The following CYP4Z1 variants were observed in gnomAD, a reference collection of about 807,000 sequenced individuals.
The protein encoded by CYP4Z1 is cytochrome P450 4Z1.
Under a neutral mutation model 54.2 loss-of-function variants are expected in CYP4Z1, and 41 were observed. The ratio of observed to expected loss-of-function variants is 0.76; its 90% CI spans 0.59 to 0.98. The LOEUF is 0.98. Ranked by LOEUF, CYP4Z1 falls within the 50% of genes least tolerant of loss-of-function variation. The pLI is 0.00. For synonymous variants in CYP4Z1, 163 were observed against 206.2 expected (o/e 0.79, Z 1.79); for missense variants, 513 against 599.0 (o/e 0.86, Z 1.50).
intron 11 of CYP4Z1, among the ~76,000 whole-genome samples, chr1:47,116,983 C>G (rs1644834892): frequency 6.6e-6 from 1 of 152,196 alleles, no homozygotes; most frequent in Non-Finnish European, 1.5e-5. Context: ...ATCCTCATGA[C>G]AGGCCCAAAG....
intron 2 of CYP4Z1, among the ~76,000 whole-genome samples, chr1:47,077,558 T>C (rs183605401): frequency 1.7e-3 from 256 of 152,274 alleles, no homozygotes; most frequent in African/African-American, 5.8e-3. Context: ...TCCATTTACA[T>C]TTAAAATAAT....
chr1:47,086,536 G>A (rs1225553000), intron 6 of CYP4Z1, among the ~76,000 whole-genome samples: 6 of 152,074 alleles, frequency 3.9e-5, no homozygotes, highest in Admixed American at 3.9e-4. Context: ...CTTTTTGATG[G>A]GGTTGTTTGT....
At chr1:47,099,645 C>CTTAG in intron 8 of CYP4Z1, among the ~76,000 whole-genome samples, 2 of 152,134 alleles carry the variant, frequency 1.3e-5, no homozygotes, top group African/African-American at 4.8e-5. Flanking sequence ...CTTTTACCAC[C>CTTAG]TTAGATTGCC....
At chr1:47,062,691 C>T (rs1054014593), upstream of CYP4Z1, among the ~76,000 whole-genome samples, 2 of 152,070 alleles carry the variant, frequency 1.3e-5, no homozygotes, top group African/African-American at 4.8e-5. Context: ...GCAGCAAGCC[C>T]CGCCCAAGGA....
At position 47,099,204 on chromosome 1, in the gene CYP4Z1, C is replaced by T; in HGVS notation, c.987C>T (p.Cys329=). The stretch of plus-strand genomic sequence containing the variant: ...GTGCTATCTCCTGGATCCTTTACTG[C>T]TTGGCAAAGTACCCTGAGCATCAGC... ...TSSAISWILY[C]LAKYPEHQQR... is the part of the protein sequence containing the mutation. The change falls in exon 8 of 12, where the codon TGC becomes TGT. Residue 329 remains cysteine (C), a synonymous_variant. Coordinates refer to ENST00000334194, the MANE Select transcript of CYP4Z1 (RefSeq NM_178134.3). 1 of 1,613,984 alleles carries T rather than the reference C, an allele frequency of 6.2e-7. No homozygotes were observed. Among genetic ancestry groups the T allele is most frequent in the Non-Finnish European group, 8.5e-7 (1 of 1,179,978 alleles).
chr1:47,112,028 C>G (rs1234432560), intron 9 of CYP4Z1, among the ~76,000 whole-genome samples: 1 of 152,156 alleles, frequency 6.6e-6, no homozygotes, highest in East Asian at 1.9e-4. Context: ...TTAAATTAAA[C>G]ATTGACGTCG....
At chr1:47,112,808 T>C (rs1239688681) in intron 9 of CYP4Z1, among the ~76,000 whole-genome samples, 2 of 152,140 alleles carry the variant, frequency 1.3e-5, no homozygotes, top group Non-Finnish European at 2.9e-5. Context: ...GAAAAGATTG[T>C]TCAATATTAG....
In CYP4Z1 at chr1:47,115,519, G is replaced by C. The variant is rs1490180116; in HGVS notation, c.1202-10G>C. 1 of 1,609,478 alleles carries C rather than the reference G, an allele frequency of 6.2e-7. No individual in the cohort carries two copies. Among genetic ancestry groups the C allele is most frequent in the Non-Finnish European group, 8.5e-7 (1 of 1,178,498 alleles). On this transcript the variant is annotated splice_polypyrimidine_tract_variant and intron_variant, in intron 9 of 11. Transcript: ENST00000334194. ...CATGCACTTACCTGCTTTTTCTTCTGTTTACTCAGGAATAACTGTGTTTAT... is the reference window on the plus strand; with the variant it reads ...CATGCACTTACCTGCTTTTTCTTCTCTTTACTCAGGAATAACTGTGTTTAT...
chr1:47,105,169 C>T (rs943218430), intron 8 of CYP4Z1, among the ~76,000 whole-genome samples: 7 of 139,194 alleles, frequency 5.0e-5, no homozygotes, highest in Admixed American at 1.4e-4. Flanking sequence ...GGGTCACTGG[C>T]AGTGGCTCCC....
intron 2 of CYP4Z1, among the ~76,000 whole-genome samples, chr1:47,069,042 TAC>T (rs1422555737): frequency 2.6e-5 from 4 of 152,258 alleles, no homozygotes; most frequent in Non-Finnish European, 5.9e-5. Context: ...CCCCCAGGAC[TAC>T]CACTTACCAT....
the CYP4Z1 span, among the ~76,000 whole-genome samples, chr1:47,057,327 G>GAAAAAAAAAAAAAAAAAAAAA: frequency 1.5e-3 from 27 of 18,014 alleles, 8 homozygotes; most frequent in East Asian, 8.5e-3. Flanking sequence ...TACTTCTTAA[G>GAAAAAAAAAAAAAAAAAAAAA]AAAAAAAAAT....
At position 47,089,543 on chromosome 1, in the gene CYP4Z1, A is replaced by C. The variant is rs567092170; in HGVS notation, c.772+4565A>C. Among the ~76,000 whole-genome samples the C allele has an allele frequency of 1.5e-3, 201 of 134,874 alleles. 2 individuals are homozygous for C. Among genetic ancestry groups the C allele is most frequent in the African/African-American group, 7.3e-3 (196 of 26,870 alleles). 88.5% of individuals were successfully genotyped at this position (134,874 alleles called of 152,430 possible). A position where few individuals can be genotyped will look rare whatever the true frequency, so the allele number is the denominator to read the frequency against. On this transcript the variant is annotated intron_variant, in intron 6 of 11. Coordinates refer to ENST00000334194, the MANE Select transcript of CYP4Z1 (RefSeq NM_178134.3). ...TGCACAGCGACACCTAATGGACGCA[A>C]ACCAATATTGCAATCCATTGGTGTA...
In CYP4Z1 at chr1:47,082,363, A is replaced by C. The variant is rs1644561126; in HGVS notation, c.394A>C (p.Lys132Gln). 1 of 1,612,116 alleles carries C rather than the reference A, an allele frequency of 6.2e-7. No homozygotes were observed. Among genetic ancestry groups the C allele is most frequent in the Non-Finnish European group, 8.5e-7 (1 of 1,179,278 alleles). The change falls in exon 4 of 12, where the codon AAA becomes CAA. Residue 132 changes from lysine to glutamine, a missense_variant. Transcript: ENST00000334194. The part of the protein sequence containing the change: ...GRGLVTLDGS[K>Q]WKKHRQIVKP... ...AGGACTTGTGACCCTGGATGGTTCT[A>C]AATGGAAAAAGCACCGCCAGATTGT...
the CYP4Z1 span, among the ~76,000 whole-genome samples, chr1:47,056,569 G>A: frequency 6.6e-6 from 1 of 152,152 alleles, no homozygotes. Context: ...CTCTTCGTAG[G>A]TCACTAAGGA....
At chr1:47,106,483 G>C (rs893640308) in intron 9 of CYP4Z1, among the ~76,000 whole-genome samples, 2 of 152,052 alleles carry the variant, frequency 1.3e-5, no homozygotes, top group Admixed American at 1.3e-4. Flanking sequence ...TATGGACTGA[G>C]GGTTGGGTGA....
At chr1:47,104,846 A>C (rs1197667309) in intron 8 of CYP4Z1, among the ~76,000 whole-genome samples, 1 of 152,078 alleles carries the variant, frequency 6.6e-6, no homozygotes, top group Non-Finnish European at 1.5e-5. Context: ...AGGCTGCTAC[A>C]AGAATGCTCA....
At chr1:47,105,412 A>G (rs906757251) in intron 8 of CYP4Z1, among the ~76,000 whole-genome samples, 10 of 152,034 alleles carry the variant, frequency 6.6e-5, no homozygotes, top group Non-Finnish European at 1.5e-5. Flanking sequence ...CCGGCTCCTT[A>G]TGTTAGTCTC....
In CYP4Z1 at chr1:47,111,424, C is replaced by G. The variant is rs1268125168; in HGVS notation, c.1202-4105C>G. Among the ~76,000 whole-genome samples the G allele has an allele frequency of 3.3e-5, 5 of 152,278 alleles. No individual in the cohort carries two copies. The East Asian group carries it at 9.7e-4, about 29-fold the overall frequency. The stretch of plus-strand genomic sequence containing the variant: ...GGTCTCAGTCTCCTGACCTTGTGAT[C>G]CACCCGCCTGGGCCTTTCAAAGTGC... On this transcript the variant is annotated intron_variant, in intron 9 of 11. Transcript: ENST00000334194.
At chr1:47,095,996 T>A (rs1171991098) in intron 7 of CYP4Z1, among the ~76,000 whole-genome samples, 1 of 152,226 alleles carries the variant, frequency 6.6e-6, no homozygotes, top group African/African-American at 2.4e-5. Context: ...ACTTTCATTG[T>A]GTTGGCTACC....
Sources: allele counts gnomAD v4.1 joint callset (sites outside exome capture counted in the v4.1 genomes callset), GRCh38; gene constraint gnomAD v4.1.1; transcripts MANE v1.5; gene names NCBI Gene and HGNC (gene_info 2026-07-23, HGNC 2026-07-21).